Variants in PLEKHA7 observed in about 807,000 individuals in gnomAD.
PLEKHA7 encodes the protein pleckstrin homology domain-containing family A member 7.
Under a neutral mutation model 170.0 loss-of-function variants are expected in PLEKHA7, and 104 were observed. The ratio of observed to expected loss-of-function variants is 0.61; its 90% CI spans 0.52 to 0.72. PLEKHA7 has a LOEUF of 0.72. PLEKHA7 is among the 30% of genes least tolerant of loss of function. PLEKHA7 has a pLI of 0.00. For synonymous variants in PLEKHA7, 648 were observed against 660.8 expected (o/e 0.98, Z 0.30); for missense variants, 1,615 against 1,671.7 (o/e 0.97, Z 0.59).
intron 3 of PLEKHA7, among the ~76,000 whole-genome samples, chr11:17,004,569 T>G (rs902666838): frequency 6.6e-6 from 1 of 151,904 alleles, no homozygotes; most frequent in Admixed American, 6.6e-5. Context: ...ATTTTTGTAT[T>G]TTTAGTAGAG....
rs527316487 is a variant in PLEKHA7 at position 16,986,280 on chromosome 11, C to T, written c.221+27709G>A. On this transcript the variant is annotated intron_variant, in intron 3 of 26. Coordinates refer to ENST00000531066, the MANE Select transcript of PLEKHA7 (RefSeq NM_001329630.2). Reference sequence around the variant, plus strand: ...GAAAACCAGTCGGAACCATCTGCACCGCTGCAGATATGAGTTGGTGACAGT... The same window carrying T: ...GAAAACCAGTCGGAACCATCTGCACTGCTGCAGATATGAGTTGGTGACAGT... Among the ~76,000 whole-genome samples, 152 of 152,220 alleles carry T rather than the reference C, an allele frequency of 1.0e-3. 1 individual carries two copies. The highest frequency in any genetic ancestry group is 3.5e-3 in the African/African-American group (147 of 41,516).
At chr11:16,852,801 T>C (rs904471384) in intron 6 of PLEKHA7, among the ~76,000 whole-genome samples, 1 of 152,240 alleles carries the variant, frequency 6.6e-6, no homozygotes, top group South Asian at 2.1e-4. Flanking sequence ...CATTAGACTA[T>C]GCTCAGTTCT....
At chr11:16,795,716 G>C (rs1848177687) in intron 17 of PLEKHA7, among the ~76,000 whole-genome samples, 2 of 151,590 alleles carry the variant, frequency 1.3e-5, no homozygotes, top group Non-Finnish European at 2.9e-5. Flanking sequence ...TTGAACCTGG[G>C]AGGCAGAGGT....
chr11:16,895,960 G>A (rs908344122), intron 3 of PLEKHA7, among the ~76,000 whole-genome samples: 2 of 152,168 alleles, frequency 1.3e-5, no homozygotes, highest in African/African-American at 2.4e-5. Flanking sequence ...CTATAAAACA[G>A]CCCTAGAATA....
At chr11:16,781,426 CGA>C (rs1227656826) in intron 26 of PLEKHA7, among the ~76,000 whole-genome samples, 2 of 152,132 alleles carry the variant, frequency 1.3e-5, no homozygotes, top group Non-Finnish European at 2.9e-5. Context: ...GCAAGCAAGG[CGA>C]GAGGAGGGCA....
chr11:17,013,170 A>G (rs1324089690), intron 3 of PLEKHA7: 1 of 152,502 alleles, frequency 6.6e-6, no homozygotes, highest in Non-Finnish European at 1.5e-5. Flanking sequence ...ACACGCTGCA[A>G]CACAGACTCC....
At chr11:16,902,673 A>G (rs1215751263) in intron 3 of PLEKHA7, among the ~76,000 whole-genome samples, 1 of 152,202 alleles carries the variant, frequency 6.6e-6, no homozygotes, top group Non-Finnish European at 1.5e-5. Flanking sequence ...AACTGCAAGT[A>G]CCTCTGGACA....
At chr11:16,958,128 C>A (rs1861822735) in intron 3 of PLEKHA7, among the ~76,000 whole-genome samples, 1 of 151,974 alleles carries the variant, frequency 6.6e-6, no homozygotes, top group Admixed American at 6.6e-5. Flanking sequence ...CTAGCCTGGG[C>A]AACATGACAA....
chr11:16,858,090 A>C (rs1565026097), intron 4 of PLEKHA7, among the ~76,000 whole-genome samples: 1 of 152,250 alleles, frequency 6.6e-6, no homozygotes, highest in Non-Finnish European at 1.5e-5. Flanking sequence ...ATATTTGAGA[A>C]ATACAAGAAA....
chr11:16,792,921 G>A (rs892791619), intron 19 of PLEKHA7, among the ~76,000 whole-genome samples: 9 of 152,180 alleles, frequency 5.9e-5, no homozygotes, highest in African/African-American at 2.2e-4. Context: ...CGACAGGCAA[G>A]CAGCACCACG....
Position 16,789,217 on chromosome 11 carries a change from C to G in PLEKHA7, c.3236G>C (p.Arg1079Pro). The change falls in exon 23 of 27, where the codon CGC becomes CCC. Residue 1079 changes from arginine (R) to proline (P), a missense_variant. Arg to Pro is a moderately radical substitution (Grantham distance 103). Transcript: ENST00000531066. The surrounding 1 kb of genome is among the most constrained non-coding windows in gnomAD (Gnocchi z 4.6). ...GKMSAEEQLE[R>P]MKRHQKALVR... is the part of the protein sequence containing the mutation. ...CAGGGCCTTCTGGTGTCGCTTCATG[C>G]GCTCCAGCTGCTCCTCTGCACTCAT... 3.1e-6 allele frequency: 5 copies of G among 1,613,616 alleles called. No individual in the cohort carries two copies. Among genetic ancestry groups the G allele is most frequent in the Non-Finnish European group, 4.2e-6 (5 of 1,180,044 alleles).
chr11:16,913,414 C>G (rs570685116), intron 3 of PLEKHA7, among the ~76,000 whole-genome samples: 2 of 152,262 alleles, frequency 1.3e-5, no homozygotes, highest in South Asian at 4.2e-4. Flanking sequence ...AGCAGCAACT[C>G]GATGCAAGGA....
In PLEKHA7 at chr11:16,786,354, G is replaced by A. The variant is rs1315702487; in HGVS notation, c.3391C>T (p.Leu1131=). Residue 1131 remains leucine (L), a synonymous_variant, in exon 24 of 27, where the codon CTG becomes TTG. Transcript: ENST00000531066. ...KREQDFDLQL[L]ERVVQGEKKD... ...TTTTCCCCTTGCACGACCCGTTCCA[G>A]CAACTGCAGGTCAAAGTCCTGCTCA... is the stretch of plus-strand genomic sequence containing the variant. The A allele has an allele frequency of 2.6e-6, 4 of 1,535,998 alleles. No homozygotes were observed. The Admixed American group carries it at 7.8e-5, about 30-fold the overall frequency.
intron 3 of PLEKHA7, among the ~76,000 whole-genome samples, chr11:16,926,003 C>A (rs542094725): frequency 5.9e-5 from 9 of 152,372 alleles, no homozygotes; most frequent in Admixed American, 5.2e-4. Flanking sequence ...GACCTGTCAT[C>A]CGTTGCCGCA....
At chr11:16,964,257 G>A (rs764998946) in intron 3 of PLEKHA7, among the ~76,000 whole-genome samples, 1 of 152,188 alleles carries the variant, frequency 6.6e-6, no homozygotes, top group Non-Finnish European at 1.5e-5. Context: ...TGGCTACCAT[G>A]AATAATGCTG....
chr11:16,870,957 C>T, intron 4 of PLEKHA7, 142 bp downstream of exon 4: 1 of 553,130 alleles, frequency 1.8e-6, no homozygotes, highest in South Asian at 2.0e-5. Context: ...AAATTCTTCT[C>T]ATATTCCTGT....
chr11:16,914,567 C>T (rs1858498637), intron 3 of PLEKHA7, among the ~76,000 whole-genome samples: 1 of 152,196 alleles, frequency 6.6e-6, no homozygotes, highest in Non-Finnish European at 1.5e-5. Context: ...ATGGCCAGAC[C>T]TTCCTTCACA....
At chr11:16,890,120 C>G (rs1306522188) in intron 3 of PLEKHA7, among the ~76,000 whole-genome samples, 2 of 152,172 alleles carry the variant, frequency 1.3e-5, no homozygotes, top group African/African-American at 2.4e-5. Context: ...TTTTTCACCA[C>G]TAGACTGCCC....
intron 3 of PLEKHA7, among the ~76,000 whole-genome samples, chr11:16,959,544 G>A (rs1033672631): frequency 7.2e-5 from 11 of 152,150 alleles, no homozygotes; most frequent in African/African-American, 2.4e-4. Context: ...TGAGAGGCCA[G>A]GCCCATAGTG....
Sources: allele counts gnomAD v4.1 joint callset (sites outside exome capture counted in the v4.1 genomes callset), GRCh38; gene constraint gnomAD v4.1.1; non-coding constraint Gnocchi (gnomAD v3.1); transcripts MANE v1.5; gene names NCBI Gene and HGNC (gene_info 2026-07-23, HGNC 2026-07-21).